Variants in GOLGA8M observed in about 807,000 individuals in gnomAD.
GOLGA8M encodes golgin A8 family member M, also known as golgin subfamily A member 8M.
In GOLGA8M, 34 loss-of-function variants were observed where a neutral mutation model predicts 87.7. The observed-to-expected ratio is 0.39, with a 90% CI of 0.29 to 0.52. GOLGA8M has a LOEUF of 0.52. Among genes scored for constraint, GOLGA8M ranks in the 20% least tolerant of loss-of-function variants. The pLI, the probability that GOLGA8M is intolerant of heterozygous loss-of-function variation, is 0.80. For synonymous variants in GOLGA8M, 138 were observed against 250.2 expected (o/e 0.55, Z 4.23); for missense variants, 396 against 682.2 (o/e 0.58, Z 4.67).
Position 28,703,729 on chromosome 15 carries a change from G to A in GOLGA8M, c.1276+113C>T, listed in dbSNP as rs1370682894. The stretch of plus-strand genomic sequence containing the variant: ...CCGAACTTAGTGCAGGCACCCAGTC[G>A]GCATAATGACCAGCTGTTCTAAAGG... On this transcript the variant is annotated intron_variant, in intron 14 of 18. Transcript: ENST00000563027. The A allele has an allele frequency of 8.1e-5, 88 of 1,083,564 alleles. 10 individuals carry two copies. Among genetic ancestry groups the A allele is most frequent in the African/African-American group, 6.2e-4 (35 of 56,148 alleles). 67.1% of individuals were successfully genotyped at this position (1,083,564 alleles called of 1,614,324 possible). A position where few individuals can be genotyped will look rare whatever the true frequency, so the allele number is the denominator to read the frequency against.
chr15:28,708,292 CG>C, intron 5 of GOLGA8M, 82 bp downstream of exon 5: 1 of 1,611,836 alleles, frequency 6.2e-7, no homozygotes, highest in East Asian at 2.2e-5. Flanking sequence ...ACCAGGTTAT[CG>C]GGGCCCTGTG....
intron 1 of GOLGA8M, chr15:28,711,725 C>A (rs2080200815): frequency 1.0e-6 from 1 of 985,160 alleles, no homozygotes; most frequent in Non-Finnish European, 1.2e-6. Flanking sequence ...TCACAACATT[C>A]CACTCCTCCT....
chr15:28,702,233 C>G lies in GOLGA8M; in HGVS notation c.1704G>C (p.Gly568=). 1 of 1,588,510 alleles carries G rather than the reference C, an allele frequency of 6.3e-7. No homozygotes were observed. ...ACTCACCACCATGCTTGTCTGCAGC[C>G]CCAAGCTCCTGGGGAGCTGGGGCTC... is the stretch of plus-strand genomic sequence containing the variant. ...GPGAPAPQEL[G]AADKHGDLCE... is the part of the protein sequence containing the mutation. Residue 568 remains glycine, a synonymous_variant, in exon 18 of 19, where the codon GGG becomes GGC. Transcript: ENST00000563027.
chr15:28,708,840 C>A (rs2080119604), intron 4 of GOLGA8M, among the ~76,000 whole-genome samples: 1 of 150,468 alleles, frequency 6.6e-6, no homozygotes, highest in East Asian at 2.0e-4. Flanking sequence ...TTCTCGGGGG[C>A]CTTTAAATCT....
In GOLGA8M at chr15:28,702,503, C is replaced by A; in HGVS notation, c.1529G>T (p.Gly510Val). The change falls in exon 17 of 19, where the codon GGA (glycine) becomes GTA (valine). Residue 510 changes from glycine to valine, a missense_variant. Around this residue, in one of 12 missense-constraint regions of GOLGA8M, gnomAD observed 173 missense variants for 150.2 expected, o/e 1.15. Coordinates refer to ENST00000563027, the MANE Select transcript of GOLGA8M (RefSeq NM_001282468.3). ...CTGAGCTCCAGCCTGATGGTGTCCT[C>A]CTCCCAGTGCCGCATCTTTGGCACG... ...GGRAKDAALG[G>V]GHHQAGAQGG... 1 of 1,590,926 alleles carries A rather than the reference C, an allele frequency of 6.3e-7. No individual in the cohort carries two copies.
In GOLGA8M at chr15:28,701,625, C is replaced by T. The variant is rs552803729; in HGVS notation, c.*329G>A. 6.6e-6 allele frequency among the ~76,000 whole-genome samples: 1 copy of T among 151,706 alleles called. No individual in the cohort carries two copies. Among genetic ancestry groups the T allele is most frequent in the Non-Finnish European group, 1.5e-5 (1 of 68,008 alleles). On this transcript the variant is annotated 3_prime_UTR_variant, in exon 19 of 19. Transcript: ENST00000563027. Reference sequence around the variant, plus strand: ...AGCATGGCAGCCTATTCCAAACCAGCGAGAACAGTTTTGGGCAAAGAGTGG... The same window carrying T: ...AGCATGGCAGCCTATTCCAAACCAGTGAGAACAGTTTTGGGCAAAGAGTGG...
chr15:28,701,921 A>G lies in GOLGA8M; in HGVS notation c.*33T>C. On this transcript the variant is annotated 3_prime_UTR_variant, in exon 19 of 19. Coordinates refer to ENST00000563027, the MANE Select transcript of GOLGA8M (RefSeq NM_001282468.3). ...CCATAACTTGGTTTCTTATTTAAAA[A>G]TTTCTTGAGCAGCTCTTTGAGGATG... 6.3e-7 allele frequency: 1 copy of G among 1,594,164 alleles called. No individual in the cohort carries two copies. The highest frequency in any genetic ancestry group is 8.5e-7 in the Non-Finnish European group (1 of 1,178,832).
rs1596684565 is a variant in GOLGA8M, at chr15:28,706,510, C to T, written c.679-4G>A. On this transcript the variant is annotated splice_polypyrimidine_tract_variant and splice_region_variant and intron_variant, in intron 9 of 18. Coordinates refer to ENST00000563027, the MANE Select transcript of GOLGA8M (RefSeq NM_001282468.3). ...CTTGTTGAAATGACTCCTTCAACTGCAAGAATGGGCACAGAACTTAGGAAG... is the reference window on the plus strand; with the variant it reads ...CTTGTTGAAATGACTCCTTCAACTGTAAGAATGGGCACAGAACTTAGGAAG... 7 of 1,335,374 alleles carry T rather than the reference C, an allele frequency of 5.2e-6. No individual in the cohort carries two copies. Among genetic ancestry groups the T allele is most frequent in the Middle Eastern group, 2.5e-4 (1 of 3,944 alleles). 82.7% of individuals were successfully genotyped at this position (1,335,374 alleles called of 1,614,324 possible). A position where few individuals can be genotyped will look rare whatever the true frequency, so the allele number is the denominator to read the frequency against.
rs143944957 is a variant in GOLGA8M, at chr15:28,707,359, TACAC to T, written c.591+385_591+388del. Among the ~76,000 whole-genome samples, 1,126 of 114,204 alleles carry T rather than the reference TACAC, an allele frequency of 9.9e-3. 26 individuals are homozygous for T. Among genetic ancestry groups the T allele is most frequent in the African/African-American group, 0.038 (992 of 26,088 alleles). The allele number at this position is 114,204 out of a possible 152,430, so 74.9% of individuals were successfully genotyped here. The stretch of plus-strand genomic sequence containing the variant: ...GTTTTATGTATATTATCATAGTATG[TACAC>T]ACACACACACACACACACACACATG... On this transcript the variant is annotated intron_variant, in intron 8 of 18. Coordinates refer to ENST00000563027, the MANE Select transcript of GOLGA8M (RefSeq NM_001282468.3).
At chr15:28,704,124 C>T (rs566883397) in intron 13 of GOLGA8M, among the ~76,000 whole-genome samples, 4 of 147,198 alleles carry the variant, frequency 2.7e-5, no homozygotes, top group African/African-American at 9.9e-5. Flanking sequence ...CTCCTTCTCA[C>T]AGGTCAACTG....
At chr15:28,710,115 G>T (rs1020921736) in intron 2 of GOLGA8M, among the ~76,000 whole-genome samples, 19 of 145,648 alleles carry the variant, frequency 1.3e-4, no homozygotes, top group African/African-American at 2.3e-4. Context: ...GTCTTGCTCT[G>T]TCACCAGGCT....
chr15:28,705,216 G>C lies in GOLGA8M; in HGVS notation c.1143C>G (p.Asn381Lys). 1.9e-6 allele frequency: 3 copies of C among 1,597,528 alleles called. No homozygotes were observed. The highest frequency in any genetic ancestry group is 2.5e-6 in the Non-Finnish European group (3 of 1,179,730). The change falls in exon 13 of 19, where the codon AAC (asparagine) becomes AAG (lysine). Residue 381 changes from asparagine to lysine, a missense_variant. This residue lies in a region of GOLGA8M where 44 missense variants were observed against 46.7 expected (regional missense o/e 0.94). Transcript: ENST00000563027. Reference protein sequence around the residue: ...QSVFEEPNNENKSTLQLEQQV... With the variant: ...QSVFEEPNNEKKSTLQLEQQV... Reference sequence around the variant, plus strand: ...GCTGCTCCAACTGCAGTGTGCTCTTGTTCTCATTGTTCTGGACAGAGAGAA... The same window carrying C: ...GCTGCTCCAACTGCAGTGTGCTCTTCTTCTCATTGTTCTGGACAGAGAGAA...
At chr15:28,712,037 G>A (rs1488430716) in intron 1 of GOLGA8M, 2 of 984,950 alleles carry the variant, frequency 2.0e-6, no homozygotes, top group East Asian at 1.1e-4. Flanking sequence ...TAACGGAGCG[G>A]GAAGCCCCAG....
Position 28,705,160 on chromosome 15 carries a change from T to G in GOLGA8M, c.1199A>C (p.Glu400Ala). Reference sequence around the variant, plus strand: ...GGTGGAGGTTTCCGACTCCTTCACCTCGCCAAGCTTCTCCTGTAGCTCCTT... The same window carrying G: ...GGTGGAGGTTTCCGACTCCTTCACCGCGCCAAGCTTCTCCTGTAGCTCCTT... Reference protein sequence around the residue: ...QVKELQEKLGEEHLEAASQQN... With the variant: ...QVKELQEKLGAEHLEAASQQN... Residue 400 changes from glutamate (E) to alanine (A), a missense_variant and splice_region_variant, in exon 13 of 19, where the codon GAG becomes GCG. By Grantham distance (107) the Glu-to-Ala change is moderately radical (BLOSUM62 -1). Around this residue, in one of 12 missense-constraint regions of GOLGA8M, gnomAD observed 44 missense variants for 46.7 expected, o/e 0.94. Transcript: ENST00000563027. 2 of 1,598,356 alleles carry G rather than the reference T, an allele frequency of 1.3e-6. No homozygotes were observed. Among genetic ancestry groups the G allele is most frequent in the Non-Finnish European group, 1.7e-6 (2 of 1,179,768 alleles).
chr15:28,704,697 C>T (rs954700733), intron 13 of GOLGA8M, among the ~76,000 whole-genome samples: 1 of 143,058 alleles, frequency 7.0e-6, no homozygotes, highest in Non-Finnish European at 1.5e-5. Flanking sequence ...CATGCCTCAG[C>T]CTCCCGAGTA....
rs1241783298 is a variant in GOLGA8M at position 28,701,148 on chromosome 15, C to A, written c.*806G>T. 6.6e-6 allele frequency among the ~76,000 whole-genome samples: 1 copy of A among 151,964 alleles called. No individual in the cohort carries two copies. The highest frequency in any genetic ancestry group is 1.5e-5 in the Non-Finnish European group (1 of 68,026). On this transcript the variant is annotated 3_prime_UTR_variant, in exon 19 of 19. Coordinates refer to ENST00000563027, the MANE Select transcript of GOLGA8M (RefSeq NM_001282468.3). ...CCTCAGAAATAAGCCCTTTTTAGGT[C>A]ATCGAAAAAGAGTACAACTGCTGCA...
Position 28,701,709 on chromosome 15 carries a change from C to G in GOLGA8M, c.*245G>C, listed in dbSNP as rs1228189997. ...GCAAACTCGATATGCATGCTAATGACCTACAATTATGAAATTAAAAAAGAA... is the reference window on the plus strand; with the variant it reads ...GCAAACTCGATATGCATGCTAATGAGCTACAATTATGAAATTAAAAAAGAA... On this transcript the variant is annotated 3_prime_UTR_variant, in exon 19 of 19. Transcript: ENST00000563027. Among the ~76,000 whole-genome samples, 40 of 151,856 alleles carry G rather than the reference C, an allele frequency of 2.6e-4. No homozygotes were observed. The highest frequency in any genetic ancestry group is 2.6e-3 in the Admixed American group (40 of 15,242).
chr15:28,711,855 C>T (rs577263206), intron 1 of GOLGA8M: 4 of 984,782 alleles, frequency 4.1e-6, no homozygotes, highest in East Asian at 2.3e-4. Flanking sequence ...CCAGGGAGGT[C>T]GACCTTGAGG....
rs186077101 is a variant in GOLGA8M, at chr15:28,704,453, G to T, written c.1201-536C>A. Among the ~76,000 whole-genome samples, 548 of 139,892 alleles carry T rather than the reference G, an allele frequency of 3.9e-3. 13 individuals are homozygous for T. The highest frequency in any genetic ancestry group is 0.031 in the South Asian group (131 of 4,214). The allele number at this position is 139,892 out of a possible 152,430, so 91.8% of individuals were successfully genotyped here. A position where few individuals can be genotyped will look rare whatever the true frequency, so the allele number is the denominator to read the frequency against. Reference sequence around the variant, plus strand: ...CTCATACCCTCTTCTCATTTAATCCGCAGCACCTCTGTAAGGAAAATGCTA... The same window carrying T: ...CTCATACCCTCTTCTCATTTAATCCTCAGCACCTCTGTAAGGAAAATGCTA... On this transcript the variant is annotated intron_variant, in intron 13 of 18. Transcript: ENST00000563027.
Sources: gnomAD v4.1 joint callset for allele counts (sites outside exome capture counted in the v4.1 genomes callset) on GRCh38, gnomAD v4.1.1 for gene constraint, gnomAD v4.1.1 regional missense constraint, MANE v1.5 for transcripts, NCBI Gene and HGNC (gene_info 2026-07-23, HGNC 2026-07-21) for gene names.